The following WDR27 variants were observed in gnomAD, a reference collection of about 807,000 sequenced individuals.
WDR27 encodes the protein WD repeat domain 27.
WDR27 carries 100 observed loss-of-function variants against 114.4 expected under a neutral mutation model. That is an observed-to-expected ratio of 0.87 (90% confidence interval 0.74 to 1.03). The LOEUF is 1.03. WDR27 is among the 50% of genes least tolerant of loss of function. The pLI is 0.00. For synonymous variants in WDR27, 449 were observed against 423.1 expected, an observed-to-expected ratio of 1.06 and a Z score of -0.75; for missense variants, 1,129 against 1,092.9, an observed-to-expected ratio of 1.03 and a Z score of -0.47.
chr6:169,642,817 G>A (rs958853251), intron 17 of WDR27, among the ~76,000 whole-genome samples: 6 of 152,216 alleles, frequency 3.9e-5, no homozygotes, highest in East Asian at 1.9e-4. Context: ...CCACCTCCGC[G>A]TTTCCTAATG....
At chr6:169,462,528 C>T (rs926276481) in intron 25 of WDR27, among the ~76,000 whole-genome samples, 7 of 148,454 alleles carry the variant, frequency 4.7e-5, no homozygotes, top group Admixed American at 1.3e-4. Context: ...ATCCTAGACT[C>T]GATGGCTTTG....
At chr6:169,666,590 G>A (rs1007107094) in intron 6 of WDR27, 62 of 985,410 alleles carry the variant, frequency 6.3e-5, no homozygotes, top group Non-Finnish European at 7.2e-5. Context: ...TCCTTATGCC[G>A]TGCTCCGCGG....
chr6:169,452,460 T>C (rs910563535), downstream of WDR27, among the ~76,000 whole-genome samples: 2 of 152,142 alleles, frequency 1.3e-5, no homozygotes, highest in Non-Finnish European at 2.9e-5. Context: ...ACGGCTGCAG[T>C]GAGAGCAGCC....
At chr6:169,582,226 C>T (rs551790965) in intron 24 of WDR27, among the ~76,000 whole-genome samples, 5 of 152,298 alleles carry the variant, frequency 3.3e-5, no homozygotes, top group African/African-American at 1.2e-4. Flanking sequence ...TCACCCGCCT[C>T]GGCCTCCCAA....
At chr6:169,463,877 C>T (rs1189806681) in intron 25 of WDR27, among the ~76,000 whole-genome samples, 1 of 152,138 alleles carries the variant, frequency 6.6e-6, no homozygotes, top group African/African-American at 2.4e-5. Context: ...CAAAACATTG[C>T]TGAAGGAAAC....
Position 169,555,806 on chromosome 6 carries a change from T to C in WDR27, c.2645+16613A>G, listed in dbSNP as rs374621968. ...ATCTTCTGAAATTACAATAAGATTA[T>C]TAAGCAAGAGATTTAACTTGCAGAG... is the stretch of plus-strand genomic sequence containing the variant. On this transcript the variant is annotated intron_variant, in intron 25 of 25. Transcript: ENST00000448612. Among the ~76,000 whole-genome samples the C allele has an allele frequency of 1.1e-4, 17 of 152,336 alleles. No homozygotes were observed. The South Asian group carries it at 1.9e-3, about 17-fold the overall frequency.
intron 14 of WDR27, among the ~76,000 whole-genome samples, chr6:169,651,204 T>C (rs879691421): frequency 6.6e-5 from 1 of 15,084 alleles, no homozygotes; most frequent in Non-Finnish European, 1.1e-4. Flanking sequence ...AGTGGGGGAG[T>C]GGGGGAGTGG....
chr6:169,507,089 TGAGTC>T, intron 25 of WDR27, among the ~76,000 whole-genome samples: 1 of 152,354 alleles, frequency 6.6e-6, no homozygotes, highest in East Asian at 1.9e-4. Flanking sequence ...TAAAATATTT[TGAGTC>T]CTAAAAAACA....
At chr6:169,590,584 C>T (rs1805540902) in intron 23 of WDR27, among the ~76,000 whole-genome samples, 1 of 152,260 alleles carries the variant, frequency 6.6e-6, no homozygotes, top group Non-Finnish European at 1.5e-5. Context: ...CCGCCCGCCA[C>T]ACCAGCCATG....
At chr6:169,655,923 CGT>C (rs764575496) in intron 13 of WDR27, among the ~76,000 whole-genome samples, 6 of 152,126 alleles carry the variant, frequency 3.9e-5, no homozygotes, top group African/African-American at 1.4e-4. Context: ...GGGGTTTCAG[CGT>C]GTTAGCCATG....
rs192396386 is a variant in WDR27, at chr6:169,483,113, C to T, written c.2646-25479G>A. Among the ~76,000 whole-genome samples, 94 of 152,196 alleles carry T rather than the reference C, an allele frequency of 6.2e-4. 1 individual carries two copies. Among genetic ancestry groups the T allele is most frequent in the South Asian group, 8.3e-4 (4 of 4,826 alleles). On this transcript the variant is annotated intron_variant, in intron 25 of 25. Coordinates refer to ENST00000448612, the MANE Select transcript of WDR27 (RefSeq NM_182552.5). ...ATCTCAAATTAACAAAGTAACATGA[C>T]GACTAAAAGAACTAAAGAAGCAAGA...
the WDR27 span, among the ~76,000 whole-genome samples, chr6:169,447,796 G>T: frequency 9.9e-4 from 151 of 152,086 alleles, no homozygotes; most frequent in Middle Eastern, 3.4e-3. Flanking sequence ...GTCTCTTCAG[G>T]GATTCTAACT....
intron 4 of WDR27, chr6:169,669,375 T>C (rs1778117535): frequency 6.6e-6 from 1 of 152,214 alleles, no homozygotes; most frequent in Non-Finnish European, 1.5e-5. Context: ...TGCACACACA[T>C]CTGCAGCAGG....
the WDR27 span, among the ~76,000 whole-genome samples, chr6:169,429,956 C>T: frequency 0.02 from 3,073 of 152,266 alleles, 63 homozygotes; most frequent in East Asian, 0.07. Flanking sequence ...ACACGTTTTC[C>T]AGATGAGTGA....
chr6:169,563,272 G>A (rs190635549), intron 25 of WDR27, among the ~76,000 whole-genome samples: 22 of 152,180 alleles, frequency 1.4e-4, no homozygotes, highest in African/African-American at 4.8e-4. Context: ...AGCCAGGGTC[G>A]GGGACAGAAG....
downstream of WDR27, among the ~76,000 whole-genome samples, chr6:169,455,043 T>C (rs1369056742): frequency 1.3e-5 from 2 of 152,328 alleles, no homozygotes; most frequent in African/African-American, 4.8e-5. Context: ...ACCTGGACTT[T>C]CCTTGAGACC....
At chr6:169,662,669 A>G (rs1412093757) in intron 8 of WDR27, among the ~76,000 whole-genome samples, 2 of 146,572 alleles carry the variant, frequency 1.4e-5, no homozygotes, top group Admixed American at 1.4e-4. Flanking sequence ...ACCGCGGAGC[A>G]TTCGGATCAC....
chr6:169,637,804 G>A (rs1395607965), intron 18 of WDR27, among the ~76,000 whole-genome samples: 1 of 149,100 alleles, frequency 6.7e-6, no homozygotes, highest in Non-Finnish European at 1.5e-5. Context: ...GTGTGTCTGA[G>A]TATGTGGCAA....
chr6:169,647,379 G>C (rs1821036070), intron 16 of WDR27, among the ~76,000 whole-genome samples: 1 of 152,256 alleles, frequency 6.6e-6, no homozygotes, highest in Non-Finnish European at 1.5e-5. Flanking sequence ...CCATCCATGA[G>C]CAGAGGCCGC....
Sources: allele counts gnomAD v4.1 joint callset (sites outside exome capture counted in the v4.1 genomes callset), GRCh38; gene constraint gnomAD v4.1.1; transcripts MANE v1.5; gene names NCBI Gene and HGNC (gene_info 2026-07-23, HGNC 2026-07-21).